The following DLGAP4 variants were observed in gnomAD, a reference collection of about 807,000 sequenced individuals.
DLGAP4 encodes disks large-associated protein 4.
In DLGAP4, 18 loss-of-function variants were observed where a neutral mutation model predicts 86.9. The ratio of observed to expected loss-of-function variants is 0.21; its 90% CI spans 0.14 to 0.31. The LOEUF (loss-of-function observed/expected upper bound fraction) is 0.31, where lower values mean the gene tolerates loss of function less well. DLGAP4 is among the 10% of genes least tolerant of loss of function. The probability of loss-of-function intolerance (pLI) is 1.00; values close to 1 mark genes in which losing one functional copy is unlikely to be tolerated. For missense variants in DLGAP4, 1,085 were observed against 1,362.6 expected, an observed-to-expected ratio of 0.80 and a Z score of 3.21; for synonymous variants, 548 against 574.3, an observed-to-expected ratio of 0.95 and a Z score of 0.65.
rs145596733 is a variant in DLGAP4 at position 36,439,805 on chromosome 20, G to T, written c.1293G>T (p.Pro431=). 103 of 1,613,842 alleles carry T rather than the reference G, an allele frequency of 6.4e-5. No individual in the cohort carries two copies. In the African/African-American group the frequency reaches 1.2e-3, roughly 18 times the overall value. ...SVDMLLPSKC[P]SWEEDYTPVS... ...ACATGCTGCTGCCCTCCAAGTGTCCGAGCTGGGAAGAGGACTACACCCCCG... is the reference window on the plus strand; with the variant it reads ...ACATGCTGCTGCCCTCCAAGTGTCCTAGCTGGGAAGAGGACTACACCCCCG... The change falls in exon 5 of 13, where the codon CCG becomes CCT. Residue 431 remains proline, a synonymous_variant. Coordinates refer to ENST00000339266, the MANE Select transcript of DLGAP4 (RefSeq NM_001365621.2).
intron 1 of DLGAP4, among the ~76,000 whole-genome samples, chr20:36,321,269 G>T (rs1339964476): frequency 6.6e-6 from 1 of 152,232 alleles, no homozygotes; most frequent in Non-Finnish European, 1.5e-5. Context: ...ACGTGCAAAG[G>T]GCTGGGGTTG....
At chr20:36,512,329 C>T (rs753396787) in intron 10 of DLGAP4, among the ~76,000 whole-genome samples, 2 of 152,002 alleles carry the variant, frequency 1.3e-5, no homozygotes, top group South Asian at 4.2e-4. Context: ...GGATTACAGG[C>T]GTGAGCCACC....
intron 1 of DLGAP4, among the ~76,000 whole-genome samples, chr20:36,352,417 T>TG (rs1555893529): frequency 2.8e-5 from 1 of 35,178 alleles, no homozygotes; most frequent in Non-Finnish European, 5.3e-5. Flanking sequence ...GCCTCTAATT[T>TG]GGGGGAGAGG....
At chr20:36,401,376 T>TC (rs1261957364) in intron 2 of DLGAP4, among the ~76,000 whole-genome samples, 5 of 152,182 alleles carry the variant, frequency 3.3e-5, no homozygotes, top group African/African-American at 1.2e-4. Context: ...GTCCAGACAG[T>TC]CCTGGCTGAG....
chr20:36,387,248 G>A (rs775442576), intron 2 of DLGAP4, among the ~76,000 whole-genome samples: 9 of 152,080 alleles, frequency 5.9e-5, no homozygotes, highest in East Asian at 1.9e-4. Context: ...TTTCATTAGC[G>A]TCGCCTGACT....
chr20:36,340,697 C>T (rs948178908), intron 1 of DLGAP4, among the ~76,000 whole-genome samples: 3 of 152,150 alleles, frequency 2.0e-5, no homozygotes, highest in East Asian at 1.9e-4. Context: ...TGAGAAGAGG[C>T]GGAGACACTG....
chr20:36,507,894 C>T (rs1165794504), intron 10 of DLGAP4: 1 of 152,252 alleles, frequency 6.6e-6, no homozygotes, highest in Non-Finnish European at 1.5e-5. Flanking sequence ...GTGCCTGGCA[C>T]TTAAACAAGG....
intron 2 of DLGAP4, among the ~76,000 whole-genome samples, chr20:36,368,071 C>A (rs2030762851): frequency 6.6e-6 from 1 of 152,236 alleles, no homozygotes; most frequent in Admixed American, 6.5e-5. Context: ...CCACTTCATT[C>A]CCTTCTGGCC....
At chr20:36,497,625 C>T (rs1186148784) in intron 8 of DLGAP4, 8 of 987,060 alleles carry the variant, frequency 8.1e-6, no homozygotes, top group Non-Finnish European at 9.6e-6. Context: ...AGGTACCAGG[C>T]CCATGTCATT....
chr20:36,458,693 G>A (rs1011067054), intron 7 of DLGAP4, among the ~76,000 whole-genome samples: 3 of 151,888 alleles, frequency 2.0e-5, no homozygotes, highest in East Asian at 1.9e-4. Context: ...ATGAGACTCC[G>A]TCTCAAAATA....
At chr20:36,517,738 C>T (rs2037128612) in intron 10 of DLGAP4, among the ~76,000 whole-genome samples, 1 of 151,912 alleles carries the variant, frequency 6.6e-6, no homozygotes, top group South Asian at 2.1e-4. Flanking sequence ...CAGAATAAAC[C>T]CAGCTAAATT....
intron 10 of DLGAP4, among the ~76,000 whole-genome samples, chr20:36,507,480 GC>G (rs549060783): frequency 1.4e-4 from 22 of 152,040 alleles, no homozygotes; most frequent in Non-Finnish European, 2.5e-4. Context: ...TGCCCACCTC[GC>G]CCTCCCAAAA....
intron 2 of DLGAP4, among the ~76,000 whole-genome samples, chr20:36,409,759 C>T (rs1190653361): frequency 2.6e-5 from 4 of 151,104 alleles, no homozygotes; most frequent in Admixed American, 6.6e-5. Flanking sequence ...CCTGGCCGGG[C>T]GCAGTGGCTC....
At chr20:36,503,887 T>G (rs2036253454) in intron 10 of DLGAP4, among the ~76,000 whole-genome samples, 1 of 152,226 alleles carries the variant, frequency 6.6e-6, no homozygotes, top group Non-Finnish European at 1.5e-5. Flanking sequence ...TCCGTTTTGT[T>G]GCTGAATAAT....
At chr20:36,371,792 G>A (rs2030949218) in intron 2 of DLGAP4, among the ~76,000 whole-genome samples, 1 of 152,146 alleles carries the variant, frequency 6.6e-6, no homozygotes, top group Non-Finnish European at 1.5e-5. Context: ...AACAGCATGG[G>A]TAGCATTATA....
intron 1 of DLGAP4, among the ~76,000 whole-genome samples, chr20:36,320,032 CCCAGGCCTCCCTCTGTGTCCCTCTCCT>C (rs2065150486): frequency 2.7e-5 from 4 of 149,996 alleles, no homozygotes; most frequent in Admixed American, 6.6e-5. Flanking sequence ...GTCCCCCTCT[CCCAGGCCTCCCTCTGTGTCCCTCTCCT>C]CCAGGCCTCC....
chr20:36,499,706 T>C (rs1041941501), intron 9 of DLGAP4, 30 bp downstream of exon 9: 3 of 1,570,334 alleles, frequency 1.9e-6, no homozygotes, highest in Non-Finnish European at 2.6e-6. Flanking sequence ...CGGCTGCTTC[T>C]CCCCTCTCCT....
intron 1 of DLGAP4, among the ~76,000 whole-genome samples, chr20:36,356,765 A>T (rs2030343947): frequency 6.6e-6 from 1 of 152,178 alleles, no homozygotes; most frequent in Non-Finnish European, 1.5e-5. Context: ...CAAGCCTGAA[A>T]TATTCACCAT....
intron 10 of DLGAP4, among the ~76,000 whole-genome samples, chr20:36,519,104 G>A (rs900559096): frequency 1.3e-5 from 2 of 149,934 alleles, no homozygotes; most frequent in South Asian, 2.1e-4. Flanking sequence ...GCAACAGTGC[G>A]AGACTCCATC....
Sources: gnomAD v4.1 joint callset for allele counts (sites outside exome capture counted in the v4.1 genomes callset) on GRCh38, gnomAD v4.1.1 for gene constraint, MANE v1.5 for transcripts, NCBI Gene and HGNC (gene_info 2026-07-23, HGNC 2026-07-21) for gene names.